The following FANCC variants were observed in gnomAD, a reference collection of about 807,000 sequenced individuals.
The protein encoded by FANCC is FA complementation group C, also known as Fanconi anemia group C protein.
A neutral mutation model predicts 71.3 loss-of-function variants in FANCC; 55 were observed. The ratio of observed to expected loss-of-function variants is 0.77; its 90% CI spans 0.62 to 0.97. The LOEUF (loss-of-function observed/expected upper bound fraction) is 0.97, where lower values mean the gene tolerates loss of function less well. Ranked by LOEUF, FANCC falls within the 50% of genes least tolerant of loss-of-function variation. FANCC has a pLI of 0.00. For missense variants in FANCC, 678 were observed against 670.9 expected (o/e 1.01, Z -0.12); for synonymous variants, 275 against 244.9 (o/e 1.12, Z -1.15).
intron 6 of FANCC, among the ~76,000 whole-genome samples, chr9:95,164,142 ATTAG>A (rs1014114573): frequency 5.8e-4 from 88 of 152,320 alleles, no homozygotes; most frequent in African/African-American, 2.1e-3. Context: ...GAATTAGTTT[ATTAG>A]TTCTAACAAT....
intron 4 of FANCC, among the ~76,000 whole-genome samples, chr9:95,174,240 G>GA (rs2135602083): frequency 6.6e-6 from 1 of 152,174 alleles, no homozygotes; most frequent in Non-Finnish European, 1.5e-5. Flanking sequence ...CGGACACTAT[G>GA]AATGCTGTGT....
intron 1 of FANCC, among the ~76,000 whole-genome samples, chr9:95,258,615 T>C (rs935024941): frequency 1.2e-4 from 18 of 152,238 alleles, no homozygotes; most frequent in Non-Finnish European, 1.9e-4. Context: ...AAGCATTTCC[T>C]TTGAAAACTG....
At chr9:95,274,062 A>G (rs1046318533) in intron 1 of FANCC, among the ~76,000 whole-genome samples, 28 of 152,198 alleles carry the variant, frequency 1.8e-4, no homozygotes. Context: ...TCTGAGATAC[A>G]TGTGCAGAAC....
intron 1 of FANCC, among the ~76,000 whole-genome samples, chr9:95,259,774 A>C (rs548353794): frequency 6.6e-6 from 1 of 152,206 alleles, no homozygotes; most frequent in South Asian, 2.1e-4. Context: ...AATGGGAGAA[A>C]ATTTTTGCAA....
chr9:95,260,628 G>A (rs1364572228), intron 1 of FANCC, among the ~76,000 whole-genome samples: 1 of 146,026 alleles, frequency 6.8e-6, no homozygotes, highest in Admixed American at 7.0e-5. Flanking sequence ...ACCATGGCAC[G>A]TGTATACCTG....
intron 1 of FANCC, among the ~76,000 whole-genome samples, chr9:95,260,920 A>G (rs144860557): frequency 6.6e-6 from 1 of 152,166 alleles, no homozygotes; most frequent in Non-Finnish European, 1.5e-5. Flanking sequence ...ATGGGCAGAG[A>G]TAACAGTCCT....
Position 95,229,297 on chromosome 9 carries a change from C to T in FANCC, c.345+11352G>A, listed in dbSNP as rs1360448200. On this transcript the variant is annotated intron_variant, in intron 4 of 14. Transcript: ENST00000289081. ...TGAGCGACAGGGTGAGATTCCTTCTCAAAAAAAAAAAAAAAAAAAAATCCT... is the reference window on the plus strand; with the variant it reads ...TGAGCGACAGGGTGAGATTCCTTCTTAAAAAAAAAAAAAAAAAAAAATCCT... Among the ~76,000 whole-genome samples, 3 of 99,430 alleles carry T rather than the reference C, an allele frequency of 3.0e-5. No individual in the cohort carries two copies. The East Asian group carries it at 9.0e-4, about 30-fold the overall frequency. 65.2% of individuals were successfully genotyped at this position (99,430 alleles called of 152,430 possible).
chr9:95,313,539 T>C (rs1415616544), intron 1 of FANCC, among the ~76,000 whole-genome samples: 1 of 152,036 alleles, frequency 6.6e-6, no homozygotes, highest in African/African-American at 2.4e-5. Context: ...GTGAATTCTA[T>C]CAAATATTTG....
At chr9:95,149,803 T>C in intron 7 of FANCC, 120 bp downstream of exon 7, 1 of 1,127,698 alleles carries the variant, frequency 8.9e-7, no homozygotes, top group Non-Finnish European at 1.3e-6. Context: ...TTTTTAAGAG[T>C]ATAAAGGGTA....
intron 4 of FANCC, among the ~76,000 whole-genome samples, chr9:95,229,728 A>T (rs1829869134): frequency 6.6e-6 from 1 of 151,886 alleles, no homozygotes; most frequent in Non-Finnish European, 1.5e-5. Context: ...TTCGACCTGG[A>T]GATGTGGACT....
At chr9:95,206,541 C>T (rs1828131562) in intron 4 of FANCC, among the ~76,000 whole-genome samples, 1 of 152,160 alleles carries the variant, frequency 6.6e-6, no homozygotes, top group Admixed American at 6.5e-5. Context: ...ACACTTTTAA[C>T]ATTACGCTTT....
chr9:95,131,385 C>T (rs745378882), intron 8 of FANCC, among the ~76,000 whole-genome samples: 7 of 152,234 alleles, frequency 4.6e-5, no homozygotes, highest in South Asian at 2.1e-4. Flanking sequence ...ATGACCCCTA[C>T]GTCCACCCCT....
chr9:95,156,738 A>T (rs1830478063), intron 6 of FANCC, among the ~76,000 whole-genome samples: 1 of 152,166 alleles, frequency 6.6e-6, no homozygotes, highest in Non-Finnish European at 1.5e-5. Context: ...TTCTATCTCA[A>T]GTAGAAGCCG....
Position 95,141,311 on chromosome 9 carries a change from C to CAAAAAAA in FANCC, c.687-5816_687-5810dup, listed in dbSNP as rs66627467. On this transcript the variant is annotated intron_variant, in intron 7 of 14. Coordinates refer to ENST00000289081, the MANE Select transcript of FANCC (RefSeq NM_000136.3). ...TGGGTGACAGAGTGAGACCCTGTCT[C>CAAAAAAA]AAAAAAAAAAAAAAAAAAAAAAAAA... 1.1e-4 allele frequency among the ~76,000 whole-genome samples: 6 copies of CAAAAAAA among 54,860 alleles called. No homozygotes were observed. In the East Asian group the frequency reaches 3.4e-3, roughly 31 times the overall value. 36.0% of individuals were successfully genotyped at this position (54,860 alleles called of 152,430 possible). A position where few individuals can be genotyped will look rare whatever the true frequency, so the allele number is the denominator to read the frequency against.
At chr9:95,200,788 T>C (rs1009512229) in intron 4 of FANCC, among the ~76,000 whole-genome samples, 2 of 152,184 alleles carry the variant, frequency 1.3e-5, no homozygotes, top group African/African-American at 2.4e-5. Context: ...CTTATGCATA[T>C]AACAAGCGGA....
chr9:95,190,314 T>C (rs1827008967), intron 4 of FANCC, among the ~76,000 whole-genome samples: 3 of 152,130 alleles, frequency 2.0e-5, no homozygotes, highest in Non-Finnish European at 4.4e-5. Flanking sequence ...CATTGCTGGA[T>C]TTCTCATGTC....
chr9:95,288,509 C>T (rs1310590829), intron 1 of FANCC, among the ~76,000 whole-genome samples: 1 of 152,172 alleles, frequency 6.6e-6, no homozygotes, highest in Non-Finnish European at 1.5e-5. Flanking sequence ...ATACAAGTGT[C>T]CATGGTTTTG....
chr9:95,128,481 T>C (rs754646241), intron 8 of FANCC, among the ~76,000 whole-genome samples: 18 of 152,236 alleles, frequency 1.2e-4, no homozygotes, highest in Non-Finnish European at 2.4e-4. Flanking sequence ...AGCCATTCTA[T>C]AGGTTTGATG....
intron 4 of FANCC, among the ~76,000 whole-genome samples, chr9:95,196,257 G>T (rs571388475): frequency 6.6e-6 from 1 of 152,048 alleles, no homozygotes; most frequent in Admixed American, 6.5e-5. Context: ...CCTTTATGAA[G>T]TTGAGGTAAT....
Sources: gnomAD v4.1 joint callset for allele counts (sites outside exome capture counted in the v4.1 genomes callset) on GRCh38, gnomAD v4.1.1 for gene constraint, MANE v1.5 for transcripts, NCBI Gene and HGNC (gene_info 2026-07-23, HGNC 2026-07-21) for gene names.